Variants in IL17RB observed in about 807,000 individuals in gnomAD.
The protein encoded by IL17RB is interleukin-17 receptor B.
A neutral mutation model predicts 43.9 loss-of-function variants in IL17RB; 36 were observed. The ratio of observed to expected loss-of-function variants is 0.82; its 90% CI spans 0.63 to 1.08. The LOEUF is 1.08. Ranked by LOEUF, IL17RB falls within the 50% of genes least tolerant of loss-of-function variation. The pLI is 0.00. For synonymous variants in IL17RB, 225 were observed against 225.4 expected (o/e 1.00, Z 0.02); for missense variants, 613 against 613.6 (o/e 1.00, Z 0.01).
intron 10 of IL17RB, 171 bp downstream of exon 10, chr3:53,860,399 T>C: frequency 2.1e-6 from 1 of 465,482 alleles, no homozygotes. Context: ...CATGACTGGA[T>C]TACACATGCC....
chr3:53,859,865 T>A, intron 9 of IL17RB: 1 of 326,192 alleles, frequency 3.1e-6, no homozygotes, highest in Non-Finnish European at 5.7e-6. Context: ...CTCTACAAAG[T>A]GGCTGGGCGC....
rs757801566 is a variant in IL17RB, at chr3:53,865,291, G to A, written c.1492G>A (p.Gly498Ser). The A allele has an allele frequency of 6.2e-7, 1 of 1,605,986 alleles. No individual in the cohort carries two copies. Among genetic ancestry groups the A allele is most frequent in the Non-Finnish European group, 8.5e-7 (1 of 1,179,736 alleles). Residue 498 changes from glycine (G) to serine (S), a missense_variant, in exon 11 of 11, where the codon GGC (glycine) becomes AGC (serine). Coordinates refer to ENST00000288167, the MANE Select transcript of IL17RB (RefSeq NM_018725.4). ...AAAAAGATCACAAGCCTGCCACGAT[G>A]GCTGCTGCTCCTTGTAGCCCACCCA... ...AGKRSQACHDGCCSL is the reference protein window; with the variant it reads ...AGKRSQACHDSCCSL
Position 53,847,665 on chromosome 3 carries a change from G to A in IL17RB, c.61-999G>A, listed in dbSNP as rs571937780. Among the ~76,000 whole-genome samples the A allele has an allele frequency of 2.0e-5, 3 of 151,714 alleles. No individual in the cohort carries two copies. In the South Asian group the frequency reaches 6.3e-4, roughly 32 times the overall value. On this transcript the variant is annotated intron_variant, in intron 1 of 10. Coordinates refer to ENST00000288167, the MANE Select transcript of IL17RB (RefSeq NM_018725.4). Reference sequence around the variant, plus strand: ...AAAAAGTAGCCGGGCATGGTGGCAGGCGCCTGTAATCCCAGCTACTCCGGA... The same window carrying A: ...AAAAAGTAGCCGGGCATGGTGGCAGACGCCTGTAATCCCAGCTACTCCGGA...
chr3:53,857,580 T>C (rs1699387722), intron 7 of IL17RB, 36 bp from the exon 8 acceptor site: 1 of 1,597,510 alleles, frequency 6.3e-7, no homozygotes, highest in East Asian at 2.2e-5. Context: ...CCAGTGCACC[T>C]GGCACCTCAT....
intron 10 of IL17RB, 44 bp downstream of exon 10, chr3:53,860,272 C>A: frequency 1.3e-6 from 2 of 1,504,640 alleles, no homozygotes; most frequent in East Asian, 2.3e-5. Context: ...AAGGAAATAA[C>A]ATTTTGAATT....
At chr3:53,856,054 C>T (rs1203145208) in intron 6 of IL17RB, among the ~76,000 whole-genome samples, 3 of 152,200 alleles carry the variant, frequency 2.0e-5, no homozygotes, top group Non-Finnish European at 1.5e-5. Context: ...TTCAGACAGC[C>T]GTCCATGCTG....
chr3:53,860,390 A>G lies in IL17RB; in HGVS notation c.946+162A>G, dbSNP rs1699519147. 4 of 486,712 alleles carry G rather than the reference A, an allele frequency of 8.2e-6. No homozygotes were observed. The South Asian group carries it at 1.6e-4, about 20-fold the overall frequency. The allele number at this position is 486,712 out of a possible 1,614,324, so 30.1% of individuals were successfully genotyped here. ...TGCTCCTACAGAGACTGATACGAGC[A>G]TGACTGGATTACACATGCCAGGTGA... On this transcript the variant is annotated intron_variant, in intron 10 of 10. Transcript: ENST00000288167.
Position 53,856,802 on chromosome 3 carries a change from G to C in IL17RB, c.530-42G>C, listed in dbSNP as rs1377253012. The C allele has an allele frequency of 2.5e-6, 4 of 1,610,320 alleles. No homozygotes were observed. The African/African-American group carries it at 5.3e-5, about 22-fold the overall frequency. Reference sequence around the variant, plus strand: ...CCTGTGGGGAACTTAAATGAGGGAAGAGTTAGCAAGTTCATCTACATGGTT... The same window carrying C: ...CCTGTGGGGAACTTAAATGAGGGAACAGTTAGCAAGTTCATCTACATGGTT... On this transcript the variant is annotated intron_variant, in intron 6 of 10. Transcript: ENST00000288167.
intron 3 of IL17RB, among the ~76,000 whole-genome samples, chr3:53,851,307 A>G (rs1161417252): frequency 6.6e-6 from 1 of 152,198 alleles, no homozygotes; most frequent in Non-Finnish European, 1.5e-5. Flanking sequence ...TAGGGGAGGC[A>G]GACACAGGCA....
chr3:53,857,669 T>C lies in IL17RB; in HGVS notation c.726T>C (p.Asp242=), dbSNP rs1423635827. The stretch of plus-strand genomic sequence containing the variant: ...CAGTGGTGATTCCAGTGACTGGGGA[T>C]AGTGAAGGTGCTACGGTGCAGGTAA... ...RASVVIPVTG[D]SEGATVQLTP... Residue 242 remains aspartate, a synonymous_variant, in exon 8 of 11, where the codon GAT becomes GAC. Coordinates refer to ENST00000288167, the MANE Select transcript of IL17RB (RefSeq NM_018725.4). The C allele has an allele frequency of 6.2e-7, 1 of 1,613,944 alleles. No individual in the cohort carries two copies. The highest frequency in any genetic ancestry group is 8.5e-7 in the Non-Finnish European group (1 of 1,179,970).
intron 10 of IL17RB, chr3:53,861,073 C>T (rs891502108): frequency 6.6e-6 from 1 of 152,154 alleles, no homozygotes; most frequent in Non-Finnish European, 1.5e-5. Flanking sequence ...TTGCAAGTAT[C>T]GACTTAAAAC....
At chr3:53,857,848 C>T (rs1384362246) in intron 8 of IL17RB, 158 bp downstream of exon 8, 8 of 679,030 alleles carry the variant, frequency 1.2e-5, no homozygotes, top group Admixed American at 2.2e-5. Flanking sequence ...CAGCCTCCAC[C>T]GTGCTGAGGT....
rs758412110 is a variant in IL17RB at position 53,852,990 on chromosome 3, C to T, written c.474C>T (p.Thr158=). 5 of 1,613,982 alleles carry T rather than the reference C, an allele frequency of 3.1e-6. No individual in the cohort carries two copies. The highest frequency in any genetic ancestry group is 2.2e-5 in the East Asian group (1 of 44,878). Residue 158 remains threonine, a synonymous_variant, in exon 5 of 11, where the codon ACC becomes ACT. Coordinates refer to ENST00000288167, the MANE Select transcript of IL17RB (RefSeq NM_018725.4). ...EDGPSMSVNF[T]SPGCLDHIMK... is the part of the protein sequence containing the mutation. ...GCCCTTCCATGTCTGTGAATTTCACCTCACCAGGTAAACTTCCTCATTTGT... is the reference window on the plus strand; with the variant it reads ...GCCCTTCCATGTCTGTGAATTTCACTTCACCAGGTAAACTTCCTCATTTGT...
At chr3:53,859,648 A>G (rs891516695) in intron 9 of IL17RB, 1 of 153,166 alleles carries the variant, frequency 6.5e-6, no homozygotes, top group African/African-American at 2.4e-5. Flanking sequence ...AACCAAAAAA[A>G]CTGGACAGAA....
intron 8 of IL17RB, 76 bp from the exon 9 acceptor site, chr3:53,858,643 G>C: frequency 6.4e-7 from 1 of 1,563,598 alleles, no homozygotes; most frequent in Non-Finnish European, 8.7e-7. Context: ...GGGAAGTTTT[G>C]GCTGAAGTAG....
intron 5 of IL17RB, among the ~76,000 whole-genome samples, chr3:53,853,919 G>A (rs185442125): frequency 1.3e-4 from 19 of 151,458 alleles, no homozygotes; most frequent in Non-Finnish European, 1.9e-4. Flanking sequence ...TTTTTTAGAC[G>A]GGGTTTTGCT....
In IL17RB at chr3:53,856,104, C is replaced by A. The variant is rs1474251997; in HGVS notation, c.530-740C>A. The stretch of plus-strand genomic sequence containing the variant: ...CAGATTTGGACGCTGAGCTTCCCAC[C>A]AAGGGTACAGAGAACACTGCAGGTG... On this transcript the variant is annotated intron_variant, in intron 6 of 10. Transcript: ENST00000288167. Among the ~76,000 whole-genome samples, 3 of 152,150 alleles carry A rather than the reference C, an allele frequency of 2.0e-5. No homozygotes were observed. In the East Asian group the frequency reaches 5.8e-4, roughly 29 times the overall value.
chr3:53,863,805 T>TCA (rs35400031), intron 10 of IL17RB, among the ~76,000 whole-genome samples: 5,614 of 145,526 alleles, frequency 0.039, 143 homozygotes, highest in South Asian at 0.074. Context: ...GAGGTTACAA[T>TCA]CACACACCTC....
intron 9 of IL17RB, chr3:53,859,868 C>T: frequency 3.0e-6 from 1 of 329,914 alleles, no homozygotes; most frequent in Non-Finnish European, 5.7e-6. Context: ...TACAAAGTGG[C>T]TGGGCGCGGT....
Sources: gnomAD v4.1 joint callset for allele counts (sites outside exome capture counted in the v4.1 genomes callset) on GRCh38, gnomAD v4.1.1 for gene constraint, MANE v1.5 for transcripts, NCBI Gene and HGNC (gene_info 2026-07-23, HGNC 2026-07-21) for gene names.